ZNF395: variants seen among roughly 807,000 people sequenced by gnomAD.
The protein encoded by ZNF395 is HD gene regulatory region-binding protein 2.
ZNF395 carries 20 observed loss-of-function variants against 57.7 expected under a neutral mutation model. The observed-to-expected ratio is 0.35, with a 90% CI of 0.24 to 0.50. The LOEUF is 0.50. ZNF395 is among the 20% of genes least tolerant of loss of function. The pLI, the probability that ZNF395 is intolerant of heterozygous loss-of-function variation, is 0.97. For synonymous variants in ZNF395, 295 were observed against 275.9 expected (o/e 1.07, Z -0.69); for missense variants, 606 against 671.2 (o/e 0.90, Z 1.07).
rs570120348 is a variant in ZNF395, at chr8:28,371,739, G to T, written c.-58-10557C>A. ...ATATCCCAAAGAGAATGCACAAACAGTCAGGGCTGCCTTAAGCTCAGACTT... is the reference window on the plus strand; with the variant it reads ...ATATCCCAAAGAGAATGCACAAACATTCAGGGCTGCCTTAAGCTCAGACTT... On this transcript the variant is annotated intron_variant, in intron 1 of 9. Coordinates refer to ENST00000344423, the MANE Select transcript of ZNF395 (RefSeq NM_018660.3). 2.0e-5 allele frequency among the ~76,000 whole-genome samples: 3 copies of T among 152,302 alleles called. No homozygotes were observed. In the South Asian group the frequency reaches 6.2e-4, roughly 32 times the overall value.
intron 1 of ZNF395, among the ~76,000 whole-genome samples, chr8:28,378,425 T>C (rs1464240065): frequency 6.6e-6 from 1 of 151,986 alleles, no homozygotes; most frequent in African/African-American, 2.4e-5. Context: ...ATTTTTTGCA[T>C]AGACAAGTTC....
chr8:28,360,973 T>C lies in ZNF395; in HGVS notation c.152A>G (p.Asp51Gly). ...CTTGGGCTGCTCCTGGCAGGGGGTGTCATCAGAGGTGGTGAAAGGCTGGGG... is the reference window on the plus strand; with the variant it reads ...CTTGGGCTGCTCCTGGCAGGGGGTGCCATCAGAGGTGGTGAAAGGCTGGGG... ...AAPQPFTTSD[D>G]TPCQEQPKEV... The change falls in exon 2 of 10, where the codon GAC becomes GGC. Residue 51 changes from aspartate (D) to glycine (G), a missense_variant. Physicochemically the swap from Asp to Gly is moderately conservative, Grantham distance 94 (BLOSUM62 -1). Around this residue, in one of 3 missense-constraint regions of ZNF395, gnomAD observed 309 missense variants for 374.7 expected, o/e 0.82. Transcript: ENST00000344423. 1.9e-6 allele frequency: 3 copies of C among 1,613,116 alleles called. No homozygotes were observed. In the South Asian group the frequency reaches 3.3e-5, roughly 18 times the overall value.
At chr8:28,364,653 C>CAAAAA (rs1221074238) in intron 1 of ZNF395, among the ~76,000 whole-genome samples, 4 of 44,096 alleles carry the variant, frequency 9.1e-5, no homozygotes, top group African/African-American at 7.8e-5. Flanking sequence ...GACTCCGTCT[C>CAAAAA]AAAAAAAAAA....
At chr8:28,373,612 A>G (rs897235740) in intron 1 of ZNF395, among the ~76,000 whole-genome samples, 2 of 152,066 alleles carry the variant, frequency 1.3e-5, no homozygotes, top group African/African-American at 4.8e-5. Flanking sequence ...AGAGTCCACA[A>G]CGGGCTGCCC....
Position 28,359,510 on chromosome 8 carries a change from T to G in ZNF395, c.473+82A>C. 1.4e-6 allele frequency: 2 copies of G among 1,473,754 alleles called. No homozygotes were observed. Among genetic ancestry groups the G allele is most frequent in the Non-Finnish European group, 1.8e-6 (2 of 1,107,958 alleles). 91.3% of individuals were successfully genotyped at this position (1,473,754 alleles called of 1,614,324 possible). ...CCAGATGCCAATGACACCACATTTCTTCCCCACCACAACACAGCCCACACC... is the reference window on the plus strand; with the variant it reads ...CCAGATGCCAATGACACCACATTTCGTCCCCACCACAACACAGCCCACACC... On this transcript the variant is annotated intron_variant, in intron 3 of 9. Coordinates refer to ENST00000344423, the MANE Select transcript of ZNF395 (RefSeq NM_018660.3). This position sits in a 1 kb window ranked among gnomAD's most constrained non-coding sequence, Gnocchi z 4.7.
In ZNF395 at chr8:28,356,782, G is replaced by A. The variant is rs777862697; in HGVS notation, c.474-3C>T. On this transcript the variant is annotated splice_polypyrimidine_tract_variant and splice_region_variant and intron_variant, in intron 3 of 9. Transcript: ENST00000344423. This position sits in a 1 kb window ranked among gnomAD's most constrained non-coding sequence, Gnocchi z 4.0. ...CCATTTCCACTGCGTCCGACTTCCTGGATTCACACGGATGAGTGGGAAATG... is the reference window on the plus strand; with the variant it reads ...CCATTTCCACTGCGTCCGACTTCCTAGATTCACACGGATGAGTGGGAAATG... 6.2e-7 allele frequency: 1 copy of A among 1,612,122 alleles called. No individual in the cohort carries two copies. The highest frequency in any genetic ancestry group is 8.5e-7 in the Non-Finnish European group (1 of 1,178,662).
intron 7 of ZNF395, 131 bp from the exon 8 acceptor site, chr8:28,350,287 G>A: frequency 1.4e-6 from 1 of 737,568 alleles, no homozygotes; most frequent in African/African-American, 1.8e-5. Context: ...GAAAGAGCTG[G>A]GACACACTCG....
chr8:28,363,015 G>T (rs999108910), intron 1 of ZNF395, among the ~76,000 whole-genome samples: 1 of 151,894 alleles, frequency 6.6e-6, no homozygotes, highest in African/African-American at 2.4e-5. Context: ...TAACACTCTC[G>T]CTGAAAGCTT....
intron 1 of ZNF395, among the ~76,000 whole-genome samples, chr8:28,384,027 T>TA (rs554755555): frequency 7.4e-4 from 112 of 152,168 alleles, no homozygotes; most frequent in Non-Finnish European, 1.5e-3. Flanking sequence ...TGTAAACAGA[T>TA]TATTTCAACA....
intron 9 of ZNF395, 98 bp from the exon 10 acceptor site, chr8:28,348,928 C>A: frequency 7.5e-7 from 1 of 1,330,110 alleles, no homozygotes. Flanking sequence ...GCCAAAGGGG[C>A]AGCTCCCGGC....
At chr8:28,383,256 G>A (rs2130002301) in intron 1 of ZNF395, among the ~76,000 whole-genome samples, 1 of 152,276 alleles carries the variant, frequency 6.6e-6, no homozygotes, top group African/African-American at 2.4e-5. Flanking sequence ...GTTGCAAGTT[G>A]AGGCTTGGGG....
rs967298888 is a variant in ZNF395 at position 28,353,494 on chromosome 8, A to G, written c.584-86T>C. ...CTTCTGAGCTTCGGTAAACATGGAG[A>G]GGAGTTCATTCATGGCAGCAATTTC... On this transcript the variant is annotated intron_variant, in intron 4 of 9. Transcript: ENST00000344423. 2.8e-6 allele frequency: 3 copies of G among 1,090,234 alleles called. No individual in the cohort carries two copies. The African/African-American group carries it at 4.8e-5, about 17-fold the overall frequency. The allele number at this position is 1,090,234 out of a possible 1,614,324, so 67.5% of individuals were successfully genotyped here.
In ZNF395 at chr8:28,361,175, C is replaced by G; in HGVS notation, c.-51G>C. 1 of 1,605,278 alleles carries G rather than the reference C, an allele frequency of 6.2e-7. No individual in the cohort carries two copies. The highest frequency in any genetic ancestry group is 8.5e-7 in the Non-Finnish European group (1 of 1,179,900). ...GGCGAAGGGGACACTGAAGCCTCTG[C>G]CCATCACCTGGGGGAATCAGGAAGC... On this transcript the variant is annotated 5_prime_UTR_variant, in exon 2 of 10. Coordinates refer to ENST00000344423, the MANE Select transcript of ZNF395 (RefSeq NM_018660.3).
At position 28,362,574 on chromosome 8, in the gene ZNF395, G is replaced by A. The variant is rs538735077; in HGVS notation, c.-58-1392C>T. On this transcript the variant is annotated intron_variant, in intron 1 of 9. Transcript: ENST00000344423. ...GCCCCTCCCATCCCACCCACCTGAA[G>A]AAGACACCTGTGGCACAGCCCTTAG... is the stretch of plus-strand genomic sequence containing the variant. 2.2e-4 allele frequency among the ~76,000 whole-genome samples: 31 copies of A among 138,734 alleles called. No individual in the cohort carries two copies. In the South Asian group the frequency reaches 7.5e-3, roughly 34 times the overall value. 91.0% of individuals were successfully genotyped at this position (138,734 alleles called of 152,430 possible). A position where few individuals can be genotyped will look rare whatever the true frequency, so the allele number is the denominator to read the frequency against.
chr8:28,351,237 C>G (rs1487635534), intron 7 of ZNF395, among the ~76,000 whole-genome samples: 1 of 152,228 alleles, frequency 6.6e-6, no homozygotes, highest in African/African-American at 2.4e-5. Context: ...ATTCCCCCAC[C>G]CAAATCCATC....
At chr8:28,377,784 G>A (rs1288396129) in intron 1 of ZNF395, among the ~76,000 whole-genome samples, 1 of 138,034 alleles carries the variant, frequency 7.2e-6, no homozygotes, top group Non-Finnish European at 1.5e-5. Context: ...GAGAGATGGA[G>A]TCTCACTCTG....
At chr8:28,376,173 C>T (rs896564764) in intron 1 of ZNF395, among the ~76,000 whole-genome samples, 4 of 151,052 alleles carry the variant, frequency 2.6e-5, no homozygotes, top group African/African-American at 7.3e-5. Flanking sequence ...TGGGGTTTCA[C>T]CATGTTGCCC....
chr8:28,362,379 G>C (rs1476572661), intron 1 of ZNF395, among the ~76,000 whole-genome samples: 1 of 152,208 alleles, frequency 6.6e-6, no homozygotes, highest in African/African-American at 2.4e-5. Context: ...AATCTCTGCT[G>C]TTCCAGTCCT....
chr8:28,379,071 T>C (rs1314276066), intron 1 of ZNF395, among the ~76,000 whole-genome samples: 3 of 152,218 alleles, frequency 2.0e-5, no homozygotes, highest in Admixed American at 6.5e-5. Context: ...GTTTCATCTA[T>C]TGGTTGTATT....
Sources: allele counts gnomAD v4.1 joint callset (sites outside exome capture counted in the v4.1 genomes callset), GRCh38; gene constraint gnomAD v4.1.1; regional missense constraint gnomAD v4.1.1; non-coding constraint Gnocchi (gnomAD v3.1); transcripts MANE v1.5; gene names NCBI Gene and HGNC (gene_info 2026-07-23, HGNC 2026-07-21).